RABGAP1L: variants seen among roughly 807,000 people sequenced by gnomAD.
The protein encoded by RABGAP1L is RAB GTPase activating protein 1 like.
Under a neutral mutation model 137.7 loss-of-function variants are expected in RABGAP1L, and 63 were observed. That is an observed-to-expected ratio of 0.46 (90% CI 0.37 to 0.56). The LOEUF (loss-of-function observed/expected upper bound fraction) is 0.56. Ranked by LOEUF, RABGAP1L falls within the 20% of genes least tolerant of loss-of-function variation. RABGAP1L has a pLI of 0.00. For missense variants in RABGAP1L, 1,095 were observed against 1,244.0 expected (o/e 0.88, Z 1.80); for synonymous variants, 431 against 433.7 (o/e 0.99, Z 0.08).
At chr1:174,338,848 C>T (rs1304025841) in intron 11 of RABGAP1L, among the ~76,000 whole-genome samples, 1 of 151,808 alleles carries the variant, frequency 6.6e-6, no homozygotes, top group Non-Finnish European at 1.5e-5. Flanking sequence ...GACTCCTGAG[C>T]TAAGAATGGG....
At chr1:174,444,413 G>A (rs547217564) in intron 13 of RABGAP1L, among the ~76,000 whole-genome samples, 1 of 151,912 alleles carries the variant, frequency 6.6e-6, no homozygotes, top group Non-Finnish European at 1.5e-5. Flanking sequence ...TTTGTTGTAT[G>A]TGTCCATGTC....
At chr1:174,201,845 C>T (rs1308352629) in intron 1 of RABGAP1L, among the ~76,000 whole-genome samples, 10 of 135,688 alleles carry the variant, frequency 7.4e-5, no homozygotes, top group Non-Finnish European at 1.5e-4. Context: ...TGTTCCCCTT[C>T]CTGTGTCCAT....
chr1:174,252,480 C>T lies in RABGAP1L; in HGVS notation c.876C>T (p.Ser292=), dbSNP rs866470871. Residue 292 remains serine (S), a splice_region_variant and synonymous_variant, in exon 7 of 26, where the codon AGC becomes AGT. Coordinates refer to ENST00000681986, the MANE Select transcript of RABGAP1L (RefSeq NM_001366446.1). ...VKEDDGKGNF[S]PVPKDRDKFY... ...TTCCTATTCCTTTTGAATATTTCAGCCCTGTGCCTAAGGATAGAGATAAAT... is the reference window on the plus strand; with the variant it reads ...TTCCTATTCCTTTTGAATATTTCAGTCCTGTGCCTAAGGATAGAGATAAAT... 18 of 1,610,610 alleles carry T rather than the reference C, an allele frequency of 1.1e-5. No homozygotes were observed. The highest frequency in any genetic ancestry group is 1.4e-5 in the Non-Finnish European group (17 of 1,178,850).
intron 25 of RABGAP1L, among the ~76,000 whole-genome samples, chr1:174,989,560 A>G (rs1043374265): frequency 6.6e-6 from 1 of 152,248 alleles, no homozygotes. Context: ...AACCTGTTAT[A>G]TCGGATTGCA....
chr1:174,411,270 G>T (rs1179672969), intron 13 of RABGAP1L, among the ~76,000 whole-genome samples: 2 of 152,054 alleles, frequency 1.3e-5, no homozygotes, highest in Non-Finnish European at 2.9e-5. Context: ...CCATTACTAT[G>T]TTGAATAGGA....
chr1:174,490,397 A>G (rs916896133), intron 13 of RABGAP1L, among the ~76,000 whole-genome samples: 1 of 152,078 alleles, frequency 6.6e-6, no homozygotes, highest in Non-Finnish European at 1.5e-5. Context: ...CCAGGCAGAG[A>G]CACTTGTTCT....
chr1:174,276,051 A>G (rs1674971032), intron 9 of RABGAP1L, 116 bp downstream of exon 9: 1 of 667,614 alleles, frequency 1.5e-6, no homozygotes, highest in African/African-American at 1.9e-5. Flanking sequence ...TCTTTCATTG[A>G]GAATTTGAGG....
chr1:174,490,429 C>G (rs1287417002), intron 13 of RABGAP1L, among the ~76,000 whole-genome samples: 2 of 152,152 alleles, frequency 1.3e-5, no homozygotes, highest in Admixed American at 6.5e-5. Context: ...TTCTTCCAAA[C>G]CAACAGAGTT....
intron 13 of RABGAP1L, chr1:174,449,106 C>G: frequency 6.2e-7 from 1 of 1,613,864 alleles, no homozygotes; most frequent in South Asian, 1.1e-5. Flanking sequence ...CGAAGACTGT[C>G]TGAGACAATG....
intron 17 of RABGAP1L, among the ~76,000 whole-genome samples, chr1:174,714,665 A>C (rs1558010709): frequency 6.6e-6 from 1 of 152,188 alleles, no homozygotes; most frequent in Non-Finnish European, 1.5e-5. Flanking sequence ...GTTTATTGTA[A>C]AGATAGAGGA....
intron 10 of RABGAP1L, among the ~76,000 whole-genome samples, chr1:174,282,603 T>C (rs911710000): frequency 5.3e-5 from 8 of 152,174 alleles, no homozygotes; most frequent in African/African-American, 1.9e-4. Flanking sequence ...CTTGAAGAAC[T>C]GAAGTTTTAC....
At chr1:174,979,025 A>T (rs1670881199) in intron 23 of RABGAP1L, 135 bp downstream of exon 23, 1 of 1,260,610 alleles carries the variant, frequency 7.9e-7, no homozygotes. Flanking sequence ...CAAGGAAAAA[A>T]AATTTTTTAG....
chr1:174,805,642 C>T (rs1458470423), intron 18 of RABGAP1L, among the ~76,000 whole-genome samples: 1 of 152,156 alleles, frequency 6.6e-6, no homozygotes, highest in Non-Finnish European at 1.5e-5. Context: ...GCTGAGACTA[C>T]AGGTGCGTGC....
intron 19 of RABGAP1L, among the ~76,000 whole-genome samples, chr1:174,926,817 G>A (rs911877157): frequency 6.6e-6 from 1 of 152,068 alleles, no homozygotes; most frequent in African/African-American, 2.4e-5. Context: ...GCTCACACCT[G>A]TAATCCCAGC....
At chr1:174,619,672 C>T (rs1383111185) in intron 13 of RABGAP1L, among the ~76,000 whole-genome samples, 1 of 152,144 alleles carries the variant, frequency 6.6e-6, no homozygotes, top group Admixed American at 6.5e-5. Flanking sequence ...ACAGTACCAG[C>T]CACTGCAAAA....
At chr1:174,278,498 A>G in intron 9 of RABGAP1L, 115 bp from the exon 10 acceptor site, 1 of 756,422 alleles carries the variant, frequency 1.3e-6, no homozygotes, top group Non-Finnish European at 2.2e-6. Flanking sequence ...AAAAATAAAC[A>G]TAGAAGGTAT....
At chr1:174,848,833 G>A (rs1312270340) in intron 19 of RABGAP1L, among the ~76,000 whole-genome samples, 6 of 151,524 alleles carry the variant, frequency 4.0e-5, no homozygotes, top group East Asian at 3.9e-4. Flanking sequence ...CAGCTTCGCT[G>A]CCGCCTTGCA....
At chr1:174,840,729 T>C (rs1275519194) in intron 19 of RABGAP1L, among the ~76,000 whole-genome samples, 1 of 150,908 alleles carries the variant, frequency 6.6e-6, no homozygotes, top group African/African-American at 2.4e-5. Flanking sequence ...GGCAGGAGAA[T>C]TGCTTGAACC....
chr1:174,667,113 G>A (rs1676845295), intron 14 of RABGAP1L, among the ~76,000 whole-genome samples: 2 of 151,904 alleles, frequency 1.3e-5, no homozygotes, highest in Admixed American at 6.6e-5. Context: ...GTTTTATCCT[G>A]TGGTCAGCAT....
Sources: allele counts gnomAD v4.1 joint callset (sites outside exome capture counted in the v4.1 genomes callset), GRCh38; gene constraint gnomAD v4.1.1; transcripts MANE v1.5; gene names NCBI Gene and HGNC (gene_info 2026-07-23, HGNC 2026-07-21).